Variants in CSMD1 observed in about 807,000 individuals in gnomAD.
CSMD1 encodes CUB and sushi domain-containing protein 1.
In CSMD1, 213 loss-of-function variants were observed where a neutral mutation model predicts 417.5. The observed-to-expected ratio is 0.51, with a 90% CI of 0.46 to 0.57. The LOEUF (loss-of-function observed/expected upper bound fraction) is 0.57, where lower values mean the gene tolerates loss of function less well. Among genes scored for constraint, CSMD1 ranks in the 20% least tolerant of loss-of-function variants. The probability of loss-of-function intolerance (pLI) is 0.00; values close to 1 mark genes in which losing one functional copy is unlikely to be tolerated. For synonymous variants in CSMD1, 2,862 were observed against 1,736.8 expected, an observed-to-expected ratio of 1.65 and a Z score of -16.11; for missense variants, 6,923 against 4,529.7, an observed-to-expected ratio of 1.53 and a Z score of -15.17.
intron 16 of CSMD1, among the ~76,000 whole-genome samples, 174 bp downstream of exon 16, chr8:3,399,217 G>A (rs1332345079): frequency 6.6e-6 from 1 of 152,136 alleles, no homozygotes; most frequent in African/African-American, 2.4e-5. Context: ...TGGGCTTAGA[G>A]GATACCACTG....
chr8:4,944,465 G>A (rs978096108), intron 1 of CSMD1, among the ~76,000 whole-genome samples: 12 of 152,228 alleles, frequency 7.9e-5, no homozygotes, highest in Admixed American at 7.8e-4. Context: ...ATCCTCATTT[G>A]ACTAACCCAG....
chr8:4,908,210 A>T (rs144589317), intron 1 of CSMD1, among the ~76,000 whole-genome samples: 1 of 152,260 alleles, frequency 6.6e-6, no homozygotes, highest in South Asian at 2.1e-4. Context: ...GCAGTTTCTG[A>T]TAAGAAATTT....
intron 2 of CSMD1, among the ~76,000 whole-genome samples, chr8:4,570,646 T>C (rs2725050): frequency 0.41 from 62,333 of 152,086 alleles, 13,348 homozygotes; most frequent in East Asian, 0.53. Context: ...ATTTGGATGA[T>C]GCTGGCCTCA....
rs566435641 is a variant in CSMD1 at position 3,520,129 on chromosome 8, T to A, written c.1345-26403A>T. Among the ~76,000 whole-genome samples, 74 of 151,728 alleles carry A rather than the reference T, an allele frequency of 4.9e-4. 1 individual carries two copies. The Middle Eastern group carries it at 0.01, about 21-fold the overall frequency. ...AAACATACTTACAGGCACAGAGAAA[T>A]AATTTATATGAGAATTACTGTTAAG... On this transcript the variant is annotated intron_variant, in intron 10 of 69. Coordinates refer to ENST00000635120, the MANE Select transcript of CSMD1 (RefSeq NM_033225.6).
intron 3 of CSMD1, among the ~76,000 whole-genome samples, chr8:4,280,918 C>G (rs1053085802): frequency 1.3e-5 from 2 of 152,148 alleles, no homozygotes; most frequent in South Asian, 2.1e-4. Context: ...GTTGCAATTG[C>G]AAAAGTAGAT....
In CSMD1 at chr8:3,308,372, T is replaced by G. The variant is rs1805053785; in HGVS notation, c.3763A>C (p.Thr1255Pro). Residue 1255 changes from threonine to proline, a missense_variant, in exon 24 of 70, where the codon ACC becomes CCC. By Grantham distance (38) the Thr-to-Pro change is conservative. Transcript: ENST00000635120. Reference sequence around the variant, plus strand: ...CTGTCTCCACTCAAACAGGTCAGGGTGTTGCTGCCATGCATGGCGTACCCC... The same window carrying G: ...CTGTCTCCACTCAAACAGGTCAGGGGGTTGCTGCCATGCATGGCGTACCCC... ...NPGYAMHGSN[T>P]LTCLSGDRRV... is the part of the protein sequence containing the mutation. The G allele has an allele frequency of 1.9e-6, 3 of 1,613,654 alleles. No individual in the cohort carries two copies. The African/African-American group carries it at 4.0e-5, about 22-fold the overall frequency.
At chr8:4,323,652 G>A (rs1022483410) in intron 3 of CSMD1, among the ~76,000 whole-genome samples, 6 of 152,056 alleles carry the variant, frequency 3.9e-5, no homozygotes, top group Admixed American at 6.6e-5. Flanking sequence ...AACAAATAAG[G>A]GGCAGTGGAC....
At chr8:3,387,935 T>C (rs1811112710) in intron 17 of CSMD1, among the ~76,000 whole-genome samples, 1 of 152,244 alleles carries the variant, frequency 6.6e-6, no homozygotes, top group South Asian at 2.1e-4. Context: ...GAATAATTAA[T>C]TAACTTCTCT....
At position 3,809,551 on chromosome 8, in the gene CSMD1, T is replaced by A. The variant is rs140765607; in HGVS notation, c.819-55509A>T. Among the ~76,000 whole-genome samples, 751 of 152,276 alleles carry A rather than the reference T, an allele frequency of 4.9e-3. 6 individuals carry two copies. The highest frequency in any genetic ancestry group is 0.018 in the African/African-American group (732 of 41,562). ...GTGGGTTCTCAAACATTGCCATGCA[T>A]CGGATTCACTGGGAGAGCTTGTGAA... On this transcript the variant is annotated intron_variant, in intron 5 of 69. Transcript: ENST00000635120.
At chr8:3,737,973 T>C (rs1465527404) in intron 6 of CSMD1, among the ~76,000 whole-genome samples, 1 of 152,214 alleles carries the variant, frequency 6.6e-6, no homozygotes, top group East Asian at 1.9e-4. Context: ...AAATTACTTG[T>C]AATAAATTGC....
At position 3,714,686 on chromosome 8, in the gene CSMD1, GA is replaced by G. The variant is rs200349723; in HGVS notation, c.932-6196del. On this transcript the variant is annotated intron_variant, in intron 6 of 69. Transcript: ENST00000635120. ...CCGGAGGCAGAGTTTGCAGTGAGCC[GA>G]AACGGTGCCACTGTACTCCAGCCTG... Among the ~76,000 whole-genome samples, 569 of 151,888 alleles carry G rather than the reference GA, an allele frequency of 3.7e-3. 2 individuals are homozygous for G. Among genetic ancestry groups the G allele is most frequent in the African/African-American group, 0.013 (552 of 41,450 alleles).
At chr8:4,217,511 G>A (rs535072319) in intron 3 of CSMD1, among the ~76,000 whole-genome samples, 15 of 152,268 alleles carry the variant, frequency 9.9e-5, no homozygotes, top group African/African-American at 3.6e-4. Context: ...GGCATCAAGG[G>A]GAGGGAGAAG....
chr8:4,047,170 C>G (rs374424444), intron 3 of CSMD1, among the ~76,000 whole-genome samples: 3 of 152,312 alleles, frequency 2.0e-5, no homozygotes, highest in South Asian at 2.1e-4. Context: ...CCTGACCTAT[C>G]TGACCTGTGC....
chr8:4,042,417 A>T (rs576485527), intron 3 of CSMD1, among the ~76,000 whole-genome samples: 1 of 152,294 alleles, frequency 6.6e-6, no homozygotes, highest in East Asian at 1.9e-4. Context: ...CGAATAAGCA[A>T]AACAACCATC....
intron 1 of CSMD1, among the ~76,000 whole-genome samples, chr8:4,669,492 T>C (rs577842678): frequency 2.0e-5 from 3 of 152,304 alleles, no homozygotes; most frequent in Non-Finnish European, 4.4e-5. Context: ...TATCTAGTCA[T>C]CTTTCCTTTC....
At chr8:3,456,996 G>T (rs998338190) in intron 12 of CSMD1, among the ~76,000 whole-genome samples, 3 of 151,094 alleles carry the variant, frequency 2.0e-5, no homozygotes, top group Non-Finnish European at 4.4e-5. Flanking sequence ...CCCTCATTTT[G>T]TACTCCTTCC....
intron 2 of CSMD1, among the ~76,000 whole-genome samples, chr8:4,527,382 T>A (rs1484599364): frequency 1.3e-5 from 2 of 152,240 alleles, no homozygotes; most frequent in Admixed American, 6.5e-5. Flanking sequence ...TTTGTTTTTA[T>A]ACGGTCATTT....
In CSMD1 at chr8:4,222,321, G is replaced by A. The variant is rs180909057; in HGVS notation, c.416-190222C>T. On this transcript the variant is annotated intron_variant, in intron 3 of 69. Coordinates refer to ENST00000635120, the MANE Select transcript of CSMD1 (RefSeq NM_033225.6). The stretch of plus-strand genomic sequence containing the variant: ...TTTAGGCAATTTGGAAAACTTGGGG[G>A]ATACAGTAGGTATCAGTGTTTTGCC... 3.9e-5 allele frequency among the ~76,000 whole-genome samples: 6 copies of A among 152,074 alleles called. No individual in the cohort carries two copies. The East Asian group carries it at 1.2e-3, about 30-fold the overall frequency.
At chr8:3,603,776 G>C (rs944598317) in intron 8 of CSMD1, among the ~76,000 whole-genome samples, 2 of 152,062 alleles carry the variant, frequency 1.3e-5, no homozygotes, top group Admixed American at 1.3e-4. Context: ...TCATCTATTA[G>C]TAAACTAAAT....
Sources: allele counts gnomAD v4.1 joint callset (sites outside exome capture counted in the v4.1 genomes callset), GRCh38; gene constraint gnomAD v4.1.1; transcripts MANE v1.5; gene names NCBI Gene and HGNC (gene_info 2026-07-23, HGNC 2026-07-21).